Variants in RNF144A observed in about 807,000 individuals in gnomAD.
RNF144A encodes the protein E3 ubiquitin-protein ligase RNF144A.
RNF144A carries 11 observed loss-of-function variants against 38.7 expected under a neutral mutation model. The ratio of observed to expected loss-of-function variants is 0.28; its 90% confidence interval spans 0.18 to 0.47. The LOEUF (loss-of-function observed/expected upper bound fraction) is 0.47, where lower values mean the gene tolerates loss of function less well. RNF144A is among the 20% of genes least tolerant of loss of function. The probability of loss-of-function intolerance (pLI) is 0.99; values close to 1 mark genes in which losing one functional copy is unlikely to be tolerated. For synonymous variants in RNF144A, 149 were observed against 143.9 expected, an observed-to-expected ratio of 1.04 and a Z score of -0.25; for missense variants, 316 against 377.2, an observed-to-expected ratio of 0.84 and a Z score of 1.34.
chr2:6,991,289 T>C (rs1343041533), intron 2 of RNF144A, among the ~76,000 whole-genome samples: 1 of 152,184 alleles, frequency 6.6e-6, no homozygotes, highest in Non-Finnish European at 1.5e-5. Context: ...TAAAGCGTCA[T>C]GAAGCCATAC....
chr2:6,977,680 G>A (rs758411368), intron 2 of RNF144A, among the ~76,000 whole-genome samples: 3 of 152,218 alleles, frequency 2.0e-5, no homozygotes, highest in Non-Finnish European at 4.4e-5. Context: ...GCTTTAGAGT[G>A]TCCATTAAAC....
intron 7 of RNF144A, among the ~76,000 whole-genome samples, chr2:7,027,245 C>G (rs1379210092): frequency 1.1e-4 from 17 of 152,244 alleles, no homozygotes; most frequent in Admixed American, 7.9e-4. Flanking sequence ...CCAAGCGCAT[C>G]TCCCCTTGAA....
intron 2 of RNF144A, among the ~76,000 whole-genome samples, chr2:6,988,708 C>T (rs1415781973): frequency 6.6e-6 from 1 of 152,118 alleles, no homozygotes; most frequent in Non-Finnish European, 1.5e-5. Flanking sequence ...CTTTTTCCAC[C>T]ATTTTCTAAA....
chr2:7,056,694 A>ACACATTTTGT (rs977591287), intron 6 of RNF144A, among the ~76,000 whole-genome samples: 2 of 152,080 alleles, frequency 1.3e-5, no homozygotes, highest in African/African-American at 4.8e-5. Flanking sequence ...GTGTTAGGGA[A>ACACATTTTGT]TCCCCACTAC....
chr2:7,072,815 TTCTAGAAAA>T (rs112413427), downstream of RNF144A, among the ~76,000 whole-genome samples: 7 of 152,224 alleles, frequency 4.6e-5, no homozygotes, highest in African/African-American at 1.4e-4. Flanking sequence ...TTTGAAGACA[TTCTAGAAAA>T]TCTAGAAAAT....
chr2:7,066,192 A>G (rs1329236946), intron 6 of RNF144A, among the ~76,000 whole-genome samples: 1 of 151,168 alleles, frequency 6.6e-6, no homozygotes, highest in East Asian at 2.0e-4. Flanking sequence ...GGTTTACGCC[A>G]TTCTCCTGCC....
intron 3 of RNF144A, among the ~76,000 whole-genome samples, chr2:7,005,101 A>G (rs538078526): frequency 6.6e-5 from 10 of 152,374 alleles, no homozygotes; most frequent in Admixed American, 5.9e-4. Flanking sequence ...AAGAAACTAA[A>G]TATCTTACAC....
chr2:6,924,603 C>T (rs943493524), intron 1 of RNF144A, among the ~76,000 whole-genome samples: 6 of 152,182 alleles, frequency 3.9e-5, no homozygotes, highest in African/African-American at 1.2e-4. Context: ...GTTGGATGAA[C>T]GCTCAGGAGC....
At chr2:6,987,667 A>G (rs533706063) in intron 2 of RNF144A, among the ~76,000 whole-genome samples, 1 of 151,762 alleles carries the variant, frequency 6.6e-6, no homozygotes, top group South Asian at 2.1e-4. Context: ...AGCACCCACA[A>G]CCTCCACTTG....
intron 6 of RNF144A, among the ~76,000 whole-genome samples, chr2:7,063,243 C>G (rs1674050285): frequency 6.6e-6 from 1 of 152,192 alleles, no homozygotes. Flanking sequence ...TTAAGAGATG[C>G]TTACAGAATA....
intron 6 of RNF144A, among the ~76,000 whole-genome samples, chr2:7,055,778 T>C (rs1673717903): frequency 6.6e-6 from 1 of 152,212 alleles, no homozygotes; most frequent in South Asian, 2.1e-4. Flanking sequence ...TCCCAGGTTT[T>C]TTCTTACCAG....
Position 6,943,574 on chromosome 2 carries a change from A to G in RNF144A, c.-12+2427A>G, listed in dbSNP as rs1350508799. Among the ~76,000 whole-genome samples, 3 of 152,132 alleles carry G rather than the reference A, an allele frequency of 2.0e-5. No individual in the cohort carries two copies. The highest frequency in any genetic ancestry group is 4.4e-5 in the Non-Finnish European group (3 of 68,016). ...ATGGGAGTGATTCTGTAGAGAGTGA[A>G]ATATTGATTGTGTGGGATGGAGGGC... On this transcript the variant is annotated intron_variant, in intron 2 of 8. Coordinates refer to ENST00000320892, the MANE Select transcript of RNF144A (RefSeq NM_014746.6). This position sits in a 1 kb window ranked among gnomAD's most constrained non-coding sequence, Gnocchi z 4.3.
intron 1 of RNF144A, among the ~76,000 whole-genome samples, chr2:6,929,191 A>T (rs760048071): frequency 6.6e-6 from 1 of 152,224 alleles, no homozygotes; most frequent in Non-Finnish European, 1.5e-5. Flanking sequence ...AGTTACATAG[A>T]AATTGTATTT....
At chr2:7,073,196 C>T (rs528843195), downstream of RNF144A, among the ~76,000 whole-genome samples, 1 of 152,320 alleles carries the variant, frequency 6.6e-6, no homozygotes, top group South Asian at 2.1e-4. Context: ...GGAAGGTCTA[C>T]TCCTCCTTCA....
intron 5 of RNF144A, among the ~76,000 whole-genome samples, chr2:7,018,365 G>A (rs1198763678): frequency 6.6e-6 from 1 of 152,242 alleles, no homozygotes; most frequent in Non-Finnish European, 1.5e-5. Flanking sequence ...TATCTCATCA[G>A]GGACAAAGCT....
At chr2:6,936,815 A>T (rs376438212) in intron 1 of RNF144A, among the ~76,000 whole-genome samples, 1 of 150,642 alleles carries the variant, frequency 6.6e-6, no homozygotes, top group Admixed American at 6.6e-5. Flanking sequence ...ATCCTTCAGT[A>T]TATCAGATTT....
intron 2 of RNF144A, among the ~76,000 whole-genome samples, chr2:6,942,826 A>T (rs1022214388): frequency 2.6e-5 from 4 of 152,222 alleles, no homozygotes; most frequent in African/African-American, 7.2e-5. Context: ...TCTACTAAAA[A>T]TATAAAAATC....
chr2:7,032,611 C>T (rs1202553714), intron 8 of RNF144A, among the ~76,000 whole-genome samples: 1 of 152,220 alleles, frequency 6.6e-6, no homozygotes, highest in Non-Finnish European at 1.5e-5. Flanking sequence ...CACTGCAATC[C>T]TCCGTCTTCC....
In RNF144A at chr2:6,941,714, T is replaced by C. The variant is rs1256886571; in HGVS notation, c.-12+567T>C. Among the ~76,000 whole-genome samples, 2 of 152,276 alleles carry C rather than the reference T, an allele frequency of 1.3e-5. No homozygotes were observed. Among genetic ancestry groups the C allele is most frequent in the African/African-American group, 2.4e-5 (1 of 41,472 alleles). On this transcript the variant is annotated intron_variant, in intron 2 of 8. Coordinates refer to ENST00000320892, the MANE Select transcript of RNF144A (RefSeq NM_014746.6). The surrounding 1 kb of genome is among the most constrained non-coding windows in gnomAD (Gnocchi z 6.5). The stretch of plus-strand genomic sequence containing the variant: ...AGTACGACGGGGCAGGTTGCAGTTT[T>C]AAGTGGAGTGGTCAGGGAGGTCTCT...
Sources: allele counts gnomAD v4.1 joint callset (sites outside exome capture counted in the v4.1 genomes callset), GRCh38; gene constraint gnomAD v4.1.1; non-coding constraint Gnocchi (gnomAD v3.1); transcripts MANE v1.5; gene names NCBI Gene and HGNC (gene_info 2026-07-23, HGNC 2026-07-21).